The following ZNF322 variants were observed in gnomAD, a reference collection of about 807,000 sequenced individuals.
The protein encoded by ZNF322 is HLA complex group 12.
In ZNF322, 1 loss-of-function variant was observed where a neutral mutation model predicts 18.3. The observed-to-expected ratio is 0.05, with a 90% CI of 0.02 to 0.26. ZNF322 has a LOEUF of 0.26. Ranked by LOEUF, ZNF322 falls within the 10% of genes least tolerant of loss-of-function variation. ZNF322 has a pLI of 1.00. For missense variants in ZNF322, 36 were observed against 403.6 expected, an observed-to-expected ratio of 0.09 and a Z score of 7.80; for synonymous variants, 17 against 130.7, an observed-to-expected ratio of 0.13 and a Z score of 5.93.
Position 26,649,688 on chromosome 6 carries a change from TA to T in ZNF322, c.-245-5961del, listed in dbSNP as rs1561924904. Among the ~76,000 whole-genome samples the T allele has an allele frequency of 4.4e-4, 38 of 85,486 alleles. 3 individuals carry two copies. The highest frequency in any genetic ancestry group is 1.2e-3 in the African/African-American group (23 of 19,364). The allele number at this position is 85,486 out of a possible 152,430, so 56.1% of individuals were successfully genotyped here. A position where few individuals can be genotyped will look rare whatever the true frequency, so the allele number is the denominator to read the frequency against. Reference sequence around the variant, plus strand: ...GTGTGTGTGTGTGTATATATATATATATATATATATATATTTTTTTTTTTTT... The same window carrying T: ...GTGTGTGTGTGTGTATATATATATATTATATATATATATTTTTTTTTTTTT... On this transcript the variant is annotated intron_variant, in intron 2 of 3. Transcript: ENST00000415922.
At chr6:26,649,761 T>C (rs1380042822) in intron 2 of ZNF322, among the ~76,000 whole-genome samples, 1 of 138,014 alleles carries the variant, frequency 7.2e-6, no homozygotes, top group Non-Finnish European at 1.5e-5. Context: ...TGGAGTGCAA[T>C]GGCGTGATCT....
chr6:26,639,864 A>G (rs2113657359), intron 3 of ZNF322, among the ~76,000 whole-genome samples: 1 of 152,236 alleles, frequency 6.6e-6, no homozygotes, highest in South Asian at 2.1e-4. Context: ...TCCTTTCCAC[A>G]TGCCCCCACC....
chr6:26,648,576 A>C (rs1260180359), intron 2 of ZNF322, among the ~76,000 whole-genome samples: 1 of 152,232 alleles, frequency 6.6e-6, no homozygotes, highest in Non-Finnish European at 1.5e-5. Flanking sequence ...CAAATGATAA[A>C]GGAATTCAGT....
intron 2 of ZNF322, among the ~76,000 whole-genome samples, chr6:26,645,718 T>C (rs1554148662): frequency 6.6e-6 from 1 of 152,112 alleles, no homozygotes; most frequent in East Asian, 1.9e-4. Context: ...ATTTTTTTAA[T>C]GAACTAAAGG....
At chr6:26,649,684 TA>T (rs1765627531) in intron 2 of ZNF322, among the ~76,000 whole-genome samples, 12 of 30,446 alleles carry the variant, frequency 3.9e-4, no homozygotes, top group African/African-American at 1.0e-3. Flanking sequence ...TGTATATATA[TA>T]TATATATATA....
At chr6:26,657,164 G>C (rs931528827) in intron 2 of ZNF322, among the ~76,000 whole-genome samples, 5 of 151,920 alleles carry the variant, frequency 3.3e-5, no homozygotes, top group African/African-American at 7.2e-5. Context: ...GCAGAAGAAT[G>C]GTGTGAACCT....
At chr6:26,639,549 A>T (rs2172007) in intron 3 of ZNF322, among the ~76,000 whole-genome samples, 2 of 151,970 alleles carry the variant, frequency 1.3e-5, no homozygotes, top group Admixed American at 1.3e-4. Context: ...GAAACACCTA[A>T]AGGATCAAGT....
chr6:26,646,477 C>T (rs192134350), intron 2 of ZNF322, among the ~76,000 whole-genome samples: 16 of 152,208 alleles, frequency 1.1e-4, no homozygotes, highest in Admixed American at 4.6e-4. Context: ...CTAAATTACA[C>T]TAAAGTCATG....
At chr6:26,646,669 A>T (rs1406835197) in intron 2 of ZNF322, among the ~76,000 whole-genome samples, 1 of 152,218 alleles carries the variant, frequency 6.6e-6, no homozygotes, top group East Asian at 1.9e-4. Context: ...CTAATTAATA[A>T]GTAAATCTTA....
At position 26,658,543 on chromosome 6, in the gene ZNF322, T is replaced by C. The variant is rs1765822076; in HGVS notation, c.-246+15A>G. On this transcript the variant is annotated intron_variant, in intron 2 of 3. Coordinates refer to ENST00000415922, the MANE Select transcript of ZNF322 (RefSeq NM_024639.5). ...TCCACATTTATACAGAAACAGAGCC[T>C]GGTATACCACTTACCGTAACAAGAA... The C allele has an allele frequency of 3.0e-5, 5 of 165,356 alleles. No homozygotes were observed. The Admixed American group carries it at 3.3e-4, about 11-fold the overall frequency. The allele number at this position is 165,356 out of a possible 1,614,324, so 10.2% of individuals were successfully genotyped here.
intron 2 of ZNF322, among the ~76,000 whole-genome samples, chr6:26,649,665 G>T (rs1581494141): frequency 4.5e-5 from 2 of 44,594 alleles, no homozygotes; most frequent in African/African-American, 1.8e-4. Context: ...GTGTGTGTGT[G>T]TGTGTGTGTG....
chr6:26,640,137 C>G (rs1392226078), intron 3 of ZNF322, among the ~76,000 whole-genome samples: 1 of 152,190 alleles, frequency 6.6e-6, no homozygotes, highest in African/African-American at 2.4e-5. Flanking sequence ...GCCTCACACT[C>G]AGGCTGTTGT....
At chr6:26,654,874 T>C (rs1410016339) in intron 2 of ZNF322, among the ~76,000 whole-genome samples, 5 of 152,108 alleles carry the variant, frequency 3.3e-5, no homozygotes, top group African/African-American at 1.2e-4. Flanking sequence ...CTTCACAGTA[T>C]AGAAACCTGG....
At chr6:26,649,489 G>A (rs2113668688) in intron 2 of ZNF322, among the ~76,000 whole-genome samples, 1 of 151,638 alleles carries the variant, frequency 6.6e-6, no homozygotes, top group South Asian at 2.1e-4. Flanking sequence ...GGTTCTAAAT[G>A]TATACATGGA....
chr6:26,652,937 A>C (rs541408029), intron 2 of ZNF322, among the ~76,000 whole-genome samples: 1 of 152,226 alleles, frequency 6.6e-6, no homozygotes, highest in African/African-American at 2.4e-5. Flanking sequence ...TTTTTTGCTC[A>C]GTTTTGCTAT....
chr6:26,649,690 TATA>T (rs1561924918), intron 2 of ZNF322, among the ~76,000 whole-genome samples: 5 of 82,576 alleles, frequency 6.1e-5, no homozygotes, highest in Non-Finnish European at 1.0e-4. Flanking sequence ...TATATATATA[TATA>T]TATATATATT....
chr6:26,645,383 C>G (rs1052102581), intron 2 of ZNF322, among the ~76,000 whole-genome samples: 1 of 152,044 alleles, frequency 6.6e-6, no homozygotes, highest in African/African-American at 2.4e-5. Context: ...GAGAAGAGAG[C>G]TAGCAGTGGG....
intron 2 of ZNF322, among the ~76,000 whole-genome samples, chr6:26,644,650 T>C (rs2113663071): frequency 6.6e-6 from 1 of 152,302 alleles, no homozygotes; most frequent in Non-Finnish European, 1.5e-5. Flanking sequence ...TGATTTTATT[T>C]CTTTTTTTTC....
chr6:26,646,607 A>G (rs1417017681), intron 2 of ZNF322, among the ~76,000 whole-genome samples: 2 of 152,204 alleles, frequency 1.3e-5, no homozygotes, highest in Admixed American at 6.5e-5. Flanking sequence ...CACTCTCAAT[A>G]AAAGACATAC....
Sources: allele counts gnomAD v4.1 joint callset (sites outside exome capture counted in the v4.1 genomes callset), GRCh38; gene constraint gnomAD v4.1.1; transcripts MANE v1.5; gene names NCBI Gene and HGNC (gene_info 2026-07-23, HGNC 2026-07-21).